The following CBL variants were observed in gnomAD, a reference collection of about 807,000 sequenced individuals.
CBL encodes the protein E3 ubiquitin-protein ligase CBL.
Under a neutral mutation model 96.9 loss-of-function variants are expected in CBL, and 45 were observed. That is an observed-to-expected ratio of 0.46 (90% confidence interval 0.37 to 0.60). CBL has a LOEUF of 0.60. Among genes scored for constraint, CBL ranks in the 20% least tolerant of loss-of-function variants. The pLI is 0.00. For missense variants in CBL, 1,024 were observed against 1,143.5 expected (o/e 0.90, Z 1.51); for synonymous variants, 420 against 426.8 (o/e 0.98, Z 0.20).
chr11:119,300,966 A>C lies in CBL; in HGVS notation c.*1185A>C, dbSNP rs1402867139. ...CTTATATGGGTGTCTTCATTTGAAC[A>C]TGAGGAATATTAGGTTATATTTTCA... On this transcript the variant is annotated 3_prime_UTR_variant, in exon 16 of 16. Transcript: ENST00000264033. 4.2e-6 allele frequency: 1 copy of C among 238,086 alleles called. No individual in the cohort carries two copies. The highest frequency in any genetic ancestry group is 2.2e-5 in the African/African-American group (1 of 45,636). The allele number at this position is 238,086 out of a possible 1,614,324, so 14.7% of individuals were successfully genotyped here.
At chr11:119,274,143 A>G (rs1949870027) in intron 4 of CBL, 119 bp downstream of exon 4, 1 of 799,202 alleles carries the variant, frequency 1.3e-6, no homozygotes, top group Admixed American at 2.5e-5. Context: ...ATTTTAATTC[A>G]TTTTAGGAAC....
intron 1 of CBL, among the ~76,000 whole-genome samples, chr11:119,230,830 A>T (rs1214882857): frequency 6.6e-6 from 1 of 152,266 alleles, no homozygotes; most frequent in Non-Finnish European, 1.5e-5. Context: ...TAGAAAGCAC[A>T]AACAAGTTGT....
chr11:119,266,221 T>C (rs1374859033), intron 2 of CBL, among the ~76,000 whole-genome samples: 1 of 152,074 alleles, frequency 6.6e-6, no homozygotes, highest in Non-Finnish European at 1.5e-5. Context: ...GTTTCCTGTT[T>C]CCTCTTTCTC....
rs1002958528 is a variant in CBL at position 119,269,179 on chromosome 11, C to T, written c.444-2556C>T. On this transcript the variant is annotated intron_variant, in intron 2 of 15. Coordinates refer to ENST00000264033, the MANE Select transcript of CBL (RefSeq NM_005188.4). ...GGTACATGGTAGAAATTCTATTAAACAATAATCAAAGGATCTCAAGGTGCT... is the reference window on the plus strand; with the variant it reads ...GGTACATGGTAGAAATTCTATTAAATAATAATCAAAGGATCTCAAGGTGCT... Among the ~76,000 whole-genome samples the T allele has an allele frequency of 6.1e-5, 9 of 148,192 alleles. No individual in the cohort carries two copies. The East Asian group carries it at 9.9e-4, about 16-fold the overall frequency.
At chr11:119,228,560 C>T (rs536405857) in intron 1 of CBL, among the ~76,000 whole-genome samples, 24 of 150,930 alleles carry the variant, frequency 1.6e-4, no homozygotes, top group African/African-American at 5.6e-4. Context: ...GAGCTGAGAT[C>T]GCACCATTGC....
chr11:119,285,696 G>C (rs375851567), intron 11 of CBL, 130 bp downstream of exon 11: 3 of 1,029,924 alleles, frequency 2.9e-6, no homozygotes, highest in Non-Finnish European at 4.4e-6. Context: ...AGGATTTCGA[G>C]ACCAGCCTGG....
At chr11:119,220,679 C>T (rs1005198623) in intron 1 of CBL, among the ~76,000 whole-genome samples, 7 of 152,138 alleles carry the variant, frequency 4.6e-5, no homozygotes, top group African/African-American at 1.7e-4. Flanking sequence ...TGTATTTTTT[C>T]TGCAGTTGAT....
Position 119,278,259 on chromosome 11 carries a change from G to A in CBL, c.1189G>A (p.Gly397Arg), listed in dbSNP as rs1320607569. Residue 397 changes from glycine to arginine, a missense_variant, in exon 8 of 16, where the codon GGA becomes AGA. Physicochemically the swap from Gly to Arg is moderately radical, Grantham distance 125 (BLOSUM62 -2). Around this residue, in one of 4 missense-constraint regions of CBL, gnomAD observed 695 missense variants for 661.6 expected, o/e 1.05. Coordinates refer to ENST00000264033, the MANE Select transcript of CBL (RefSeq NM_005188.4). ...TAAGGATGTAAAGATTGAGCCCTGT[G>A]GACACCTCATGTGCACATCCTGTCT... Reference protein sequence around the residue: ...NDKDVKIEPCGHLMCTSCLTS... With the variant: ...NDKDVKIEPCRHLMCTSCLTS... 1.2e-6 allele frequency: 2 copies of A among 1,613,800 alleles called. No individual in the cohort carries two copies. Among genetic ancestry groups the A allele is most frequent in the South Asian group, 1.1e-5 (1 of 91,072 alleles).
At chr11:119,272,191 C>A (rs574371656) in intron 3 of CBL, among the ~76,000 whole-genome samples, 2 of 152,184 alleles carry the variant, frequency 1.3e-5, no homozygotes, top group Admixed American at 6.5e-5. Flanking sequence ...GTGCGATCTC[C>A]ACTTACTGCA....
chr11:119,273,574 A>G (rs1435000198), intron 3 of CBL, among the ~76,000 whole-genome samples: 3 of 151,980 alleles, frequency 2.0e-5, no homozygotes, highest in Non-Finnish European at 4.4e-5. Context: ...AGTCTGGCTA[A>G]TTTTGTTTGT....
intron 5 of CBL, 114 bp from the exon 6 acceptor site, chr11:119,275,883 A>C: frequency 9.3e-7 from 1 of 1,072,480 alleles, no homozygotes; most frequent in Non-Finnish European, 1.5e-6. Flanking sequence ...GAAAGAAAGG[A>C]AGAAAGTTAT....
At chr11:119,265,162 T>C (rs1006074282) in intron 2 of CBL, among the ~76,000 whole-genome samples, 2 of 152,218 alleles carry the variant, frequency 1.3e-5, no homozygotes, top group African/African-American at 4.8e-5. Context: ...ATTACAAGTG[T>C]GAGCTGCTGC....
intron 3 of CBL, 41 bp downstream of exon 3, chr11:119,271,922 A>C (rs773872611): frequency 1.9e-6 from 3 of 1,594,030 alleles, no homozygotes; most frequent in Non-Finnish European, 2.6e-6. Flanking sequence ...GAAAAACTAA[A>C]GCTTACGAGT....
rs1950125513 is a variant in CBL, at chr11:119,305,083, C to T, written c.*5302C>T. The T allele has an allele frequency of 9.1e-6, 2 of 219,428 alleles. No homozygotes were observed. Among genetic ancestry groups the T allele is most frequent in the African/African-American group, 2.2e-5 (1 of 44,558 alleles). 13.6% of individuals were successfully genotyped at this position (219,428 alleles called of 1,614,324 possible). On this transcript the variant is annotated 3_prime_UTR_variant, in exon 16 of 16. Transcript: ENST00000264033. ...GAGAAGTGAGCAGAGACTCCACAGA[C>T]ACCCTAAAAAGGCTTCTACTCAAGA...
Position 119,277,896 on chromosome 11 carries a change from A to G in CBL, c.1095+52A>G, listed in dbSNP as rs568987279. The G allele has an allele frequency of 1.1e-5, 14 of 1,230,324 alleles. No individual in the cohort carries two copies. In the East Asian group the frequency reaches 2.6e-4, roughly 22 times the overall value. The allele number at this position is 1,230,324 out of a possible 1,614,324, so 76.2% of individuals were successfully genotyped here. A position where few individuals can be genotyped will look rare whatever the true frequency, so the allele number is the denominator to read the frequency against. On this transcript the variant is annotated intron_variant, in intron 7 of 15. Transcript: ENST00000264033. ...TATCACTGGACACAAGCTTTAGTATATTCTTTATAGAACTGACAGCATAAT... is the reference window on the plus strand; with the variant it reads ...TATCACTGGACACAAGCTTTAGTATGTTCTTTATAGAACTGACAGCATAAT...
chr11:119,274,118 T>A, intron 4 of CBL, 94 bp downstream of exon 4: 2 of 972,728 alleles, frequency 2.1e-6, no homozygotes, highest in Non-Finnish European at 3.2e-6. Flanking sequence ...TTGGGGTTTT[T>A]GTCTGTATGA....
intron 2 of CBL, among the ~76,000 whole-genome samples, chr11:119,236,182 C>T (rs1044407679): frequency 2.0e-5 from 3 of 152,132 alleles, no homozygotes; most frequent in South Asian, 2.1e-4. Flanking sequence ...TTTTCACCCC[C>T]CAACAGGAAA....
chr11:119,218,274 A>C (rs1421622061), intron 1 of CBL, among the ~76,000 whole-genome samples: 1 of 152,116 alleles, frequency 6.6e-6, no homozygotes, highest in Non-Finnish European at 1.5e-5. Context: ...TATGCTATAG[A>C]GTCACTGGGG....
In CBL at chr11:119,206,432, G is replaced by A; in HGVS notation, c.15G>A (p.Val5=). The A allele has an allele frequency of 6.4e-7, 1 of 1,572,022 alleles. No homozygotes were observed. The highest frequency in any genetic ancestry group is 8.6e-7 in the Non-Finnish European group (1 of 1,164,178). The change falls in exon 1 of 16, where the codon GTG becomes GTA. Residue 5 remains valine (V), a synonymous_variant. Coordinates refer to ENST00000264033, the MANE Select transcript of CBL (RefSeq NM_005188.4). The part of the protein sequence containing the change: MAGN[V]KKSSGAGGGS... ...CTGCCCAGGCCATGGCCGGCAACGTGAAGAAGAGCTCTGGGGCCGGGGGCG... is the reference window on the plus strand; with the variant it reads ...CTGCCCAGGCCATGGCCGGCAACGTAAAGAAGAGCTCTGGGGCCGGGGGCG...
Sources: allele counts gnomAD v4.1 joint callset (sites outside exome capture counted in the v4.1 genomes callset), GRCh38; gene constraint gnomAD v4.1.1; regional missense constraint gnomAD v4.1.1; transcripts MANE v1.5; gene names NCBI Gene and HGNC (gene_info 2026-07-23, HGNC 2026-07-21).